Variants in TNS3 observed in about 807,000 individuals in gnomAD.
TNS3 encodes the protein tensin 3.
A neutral mutation model predicts 140.9 loss-of-function variants in TNS3; 45 were observed. That is an observed-to-expected ratio of 0.32 (90% CI 0.25 to 0.41). The LOEUF is 0.41. Ranked by LOEUF, TNS3 falls within the 10% of genes least tolerant of loss-of-function variation. TNS3 has a pLI of 1.00. For synonymous variants in TNS3, 815 were observed against 788.4 expected (o/e 1.03, Z -0.56); for missense variants, 1,716 against 1,906.7 (o/e 0.90, Z 1.86).
intron 16 of TNS3, among the ~76,000 whole-genome samples, chr7:47,391,968 T>A (rs996183651): frequency 6.6e-6 from 1 of 152,204 alleles, no homozygotes; most frequent in Non-Finnish European, 1.5e-5. Context: ...TCGCCGACAG[T>A]GTACGCCAGA....
chr7:47,302,133 C>G, intron 23 of TNS3, 53 bp downstream of exon 23: 1 of 1,473,072 alleles, frequency 6.8e-7, no homozygotes. Flanking sequence ...CACAAGGCAG[C>G]GAAGCGGGCA....
Position 47,407,591 on chromosome 7 carries a change from T to G in TNS3, c.723+4136A>C, listed in dbSNP as rs1793520001. ...AGGTTTATTTAATAAACAGACTTGT[T>G]ACAGGCTGAATGGTGTCCTTCCAAA... On this transcript the variant is annotated intron_variant, in intron 13 of 30. Coordinates refer to ENST00000311160, the MANE Select transcript of TNS3 (RefSeq NM_022748.12). This position sits in a 1 kb window ranked among gnomAD's most constrained non-coding sequence, Gnocchi z 4.1. Among the ~76,000 whole-genome samples, 1 of 152,230 alleles carries G rather than the reference T, an allele frequency of 6.6e-6. No homozygotes were observed. The highest frequency in any genetic ancestry group is 6.5e-5 in the Admixed American group (1 of 15,290).
chr7:47,544,279 G>C (rs577589506), intron 1 of TNS3, among the ~76,000 whole-genome samples: 14 of 152,154 alleles, frequency 9.2e-5, no homozygotes, highest in Non-Finnish European at 1.8e-4. Context: ...CAGCCCAAAA[G>C]ATAAACAAGG....
intron 3 of TNS3, among the ~76,000 whole-genome samples, chr7:47,496,129 C>G (rs1363651767): frequency 1.3e-5 from 2 of 152,032 alleles, no homozygotes; most frequent in Non-Finnish European, 2.9e-5. Context: ...GGAGGGGTGA[C>G]AGGATAATGG....
At chr7:47,546,965 T>A (rs1799937252) in intron 1 of TNS3, among the ~76,000 whole-genome samples, 1 of 152,236 alleles carries the variant, frequency 6.6e-6, no homozygotes, top group African/African-American at 2.4e-5. Flanking sequence ...CACCCCTCAG[T>A]CACGCCCTGG....
intron 20 of TNS3, among the ~76,000 whole-genome samples, chr7:47,321,463 G>A (rs1029840005): frequency 1.3e-5 from 2 of 152,180 alleles, no homozygotes; most frequent in African/African-American, 4.8e-5. Flanking sequence ...CAGCACTACT[G>A]AAATGCCAGC....
intron 4 of TNS3, among the ~76,000 whole-genome samples, chr7:47,473,542 G>A (rs939660508): frequency 3.3e-5 from 5 of 152,114 alleles, no homozygotes; most frequent in African/African-American, 1.2e-4. Context: ...GTATAGACCC[G>A]TGTCTGTGTT....
At chr7:47,284,227 G>A (rs1475568785) in intron 27 of TNS3, among the ~76,000 whole-genome samples, 1 of 152,178 alleles carries the variant, frequency 6.6e-6, no homozygotes, top group Admixed American at 6.5e-5. Context: ...TCTGGTCTCA[G>A]GGTGGGTATG....
intron 16 of TNS3, among the ~76,000 whole-genome samples, chr7:47,377,734 T>TCCTCCTCCCTTTCCTCCTCCTTCA (rs1791488029): frequency 6.8e-6 from 1 of 146,586 alleles, no homozygotes; most frequent in Non-Finnish European, 1.5e-5. Flanking sequence ...CTCCTCCTTC[T>TCCTCCTCCCTTTCCTCCTCCTTCA]CCTCCTCCCT....
intron 20 of TNS3, among the ~76,000 whole-genome samples, chr7:47,342,547 T>C (rs1055597839): frequency 2.0e-5 from 3 of 152,218 alleles, no homozygotes; most frequent in Non-Finnish European, 2.9e-5. Context: ...AGACTTTCCA[T>C]GTGCTTTTTA....
chr7:47,378,384 G>A (rs902276896), intron 16 of TNS3, among the ~76,000 whole-genome samples: 10 of 152,118 alleles, frequency 6.6e-5, no homozygotes, highest in African/African-American at 2.2e-4. Context: ...TGAAAGATGG[G>A]TTTAAAAAAA....
intron 1 of TNS3, among the ~76,000 whole-genome samples, chr7:47,544,742 C>T (rs926881256): frequency 2.6e-5 from 4 of 152,072 alleles, no homozygotes; most frequent in East Asian, 3.9e-4. Flanking sequence ...GACCCAGGCA[C>T]GGATCAGTAG....
chr7:47,456,759 G>C (rs185181320), intron 4 of TNS3, among the ~76,000 whole-genome samples: 4 of 151,996 alleles, frequency 2.6e-5, no homozygotes, highest in Non-Finnish European at 5.9e-5. Context: ...CGAGACATTC[G>C]CTGCCCCACA....
chr7:47,524,510 AG>A (rs1016329858), intron 2 of TNS3, among the ~76,000 whole-genome samples: 2 of 152,204 alleles, frequency 1.3e-5, no homozygotes, highest in Admixed American at 1.3e-4. Flanking sequence ...AGCTTAAAAA[AG>A]GCAATGGGAG....
At chr7:47,566,586 AC>A (rs1800433143) in intron 1 of TNS3, among the ~76,000 whole-genome samples, 2 of 152,220 alleles carry the variant, frequency 1.3e-5, no homozygotes, top group Non-Finnish European at 2.9e-5. Context: ...GTTAAGAACT[AC>A]CACTGCATAA....
At chr7:47,470,503 G>A (rs1031338501) in intron 4 of TNS3, 54 of 985,384 alleles carry the variant, frequency 5.5e-5, no homozygotes, top group Middle Eastern at 1.0e-3. Context: ...TCATTCATTC[G>A]AAACACTGCT....
chr7:47,442,009 G>C lies in TNS3; in HGVS notation c.-29C>G. The C allele has an allele frequency of 3.1e-6, 4 of 1,290,208 alleles. No homozygotes were observed. The highest frequency in any genetic ancestry group is 4.0e-6 in the Non-Finnish European group (4 of 988,928). 79.9% of individuals were successfully genotyped at this position (1,290,208 alleles called of 1,614,324 possible). On this transcript the variant is annotated 5_prime_UTR_variant, in exon 5 of 31. Coordinates refer to ENST00000311160, the MANE Select transcript of TNS3 (RefSeq NM_022748.12). ...GACCCACACAGACACTCACCGCAGA[G>C]GTTTATCACGGCAGAGAGAACTGGA...
At chr7:47,504,812 G>C (rs1798355380) in intron 3 of TNS3, among the ~76,000 whole-genome samples, 1 of 151,998 alleles carries the variant, frequency 6.6e-6, no homozygotes, top group Non-Finnish European at 1.5e-5. Flanking sequence ...TATTGCCAGG[G>C]GCTTTCTCCC....
At chr7:47,329,493 C>A (rs1357003765) in intron 20 of TNS3, among the ~76,000 whole-genome samples, 1 of 152,168 alleles carries the variant, frequency 6.6e-6, no homozygotes, top group African/African-American at 2.4e-5. Context: ...CAATGCCCTA[C>A]CCCAAGAGGG....
Sources: gnomAD v4.1 joint callset for allele counts (sites outside exome capture counted in the v4.1 genomes callset) on GRCh38, gnomAD v4.1.1 for gene constraint, Gnocchi (gnomAD v3.1) non-coding constraint, MANE v1.5 for transcripts, NCBI Gene and HGNC (gene_info 2026-07-23, HGNC 2026-07-21) for gene names.